Variants in MFRP observed in about 807,000 individuals in gnomAD.
MFRP encodes C1q and TNF related 5.
A neutral mutation model predicts 65.8 loss-of-function variants in MFRP; 74 were observed. The ratio of observed to expected loss-of-function variants is 1.12; its 90% CI spans 0.93 to 1.36. MFRP has a LOEUF of 1.36. Ranked by LOEUF, MFRP falls within the 40% of genes most tolerant of loss-of-function variation. MFRP has a pLI of 0.00. For synonymous variants in MFRP, 336 were observed against 288.3 expected (o/e 1.17, Z -1.68); for missense variants, 838 against 736.0 (o/e 1.14, Z -1.60).
Position 119,339,667 on chromosome 11 carries a change from CTCG to C in MFRP, c.*1289_*1291del. 6.2e-7 allele frequency: 1 copy of C among 1,611,768 alleles called. No individual in the cohort carries two copies. Among genetic ancestry groups the C allele is most frequent in the Non-Finnish European group, 8.5e-7 (1 of 1,179,952 alleles). On this transcript the variant is annotated 3_prime_UTR_variant, in exon 15 of 15. Coordinates refer to ENST00000619721, the MANE Select transcript of MFRP (RefSeq NM_031433.4). This position sits in a 1 kb window ranked among gnomAD's most constrained non-coding sequence, Gnocchi z 5.4. ...CGGTGACGGCGTCGTAATGTCCCTG[CTCG>C]TTCACCAGCACGCGGTCGAAGGGCA...
chr11:119,341,519 C>T lies in MFRP; in HGVS notation c.*29G>A. ...GCCCTGACCGGCAAAAGAGGACGGG[C>T]AGGAAGAGGGCAGGGGCCGGCTTCA... On this transcript the variant is annotated 3_prime_UTR_variant, in exon 13 of 15. Coordinates refer to ENST00000619721, the MANE Select transcript of MFRP (RefSeq NM_031433.4). The T allele has an allele frequency of 6.3e-7, 1 of 1,585,428 alleles. No homozygotes were observed.
In MFRP at chr11:119,341,682, G is replaced by T. The variant is rs1304173387; in HGVS notation, c.1606C>A (p.Pro536Thr). The change falls in exon 13 of 15, where the codon CCC (proline) becomes ACC (threonine). Residue 536 changes from proline (P) to threonine (T), a missense_variant. Coordinates refer to ENST00000619721, the MANE Select transcript of MFRP (RefSeq NM_031433.4). ...PRCTPLGSVL[P>T]PCRSVCQEAE... ...TCCTGGCAGACAGAGCGGCAAGGGG[G>T]CAGAACACTGCCTAGTGGGGTGCAA... 6.2e-7 allele frequency: 1 copy of T among 1,613,110 alleles called. No individual in the cohort carries two copies.
Position 119,341,996 on chromosome 11 carries a change from G to A in MFRP, c.1388-12C>T, listed in dbSNP as rs1161483928. ...CTCACAGGCCAGCTCTGCAGGGGTG[G>A]AGGGGAGGGCCACTGTGGGGACTGC... On this transcript the variant is annotated splice_polypyrimidine_tract_variant and intron_variant, in intron 11 of 14. Transcript: ENST00000619721. The A allele has an allele frequency of 6.2e-7, 1 of 1,613,192 alleles. No homozygotes were observed. The highest frequency in any genetic ancestry group is 1.3e-5 in the African/African-American group (1 of 75,068).
rs139436396 is a variant in MFRP at position 119,346,157 on chromosome 11, G to C, written c.160C>G (p.Arg54Gly). ...SYSVPAPWHG[R>G]RPRGLRPDCR... ...TCTGGCCGTAGCCCTCGAGGACGCC[G>C]ACCTGCGGGTTGGCAGGTGGGGTTT... The change falls in exon 3 of 15, where the codon CGG becomes GGG. Residue 54 changes from arginine to glycine, a missense_variant and splice_region_variant. Coordinates refer to ENST00000619721, the MANE Select transcript of MFRP (RefSeq NM_031433.4). 2,765 of 1,588,870 alleles carry C rather than the reference G, an allele frequency of 1.7e-3. 48 individuals carry two copies. In the African/African-American group the frequency reaches 0.033, roughly 19 times the overall value.
intron 5 of MFRP, 149 bp from the exon 6 acceptor site, chr11:119,345,153 T>C: frequency 9.5e-7 from 1 of 1,056,662 alleles, no homozygotes; most frequent in Non-Finnish European, 1.4e-6. Flanking sequence ...CAGGGAGCTC[T>C]GACCTTCCTA....
In MFRP at chr11:119,344,996, C is replaced by T. The variant is rs371935507; in HGVS notation, c.650G>A (p.Gly217Glu). 6.2e-7 allele frequency: 1 copy of T among 1,605,046 alleles called. No homozygotes were observed. Among genetic ancestry groups the T allele is most frequent in the African/African-American group, 1.3e-5 (1 of 74,866 alleles). The change falls in exon 6 of 15, where the codon GGA (glycine) becomes GAA (glutamate). Residue 217 changes from glycine (G) to glutamate (E), a missense_variant. Coordinates refer to ENST00000619721, the MANE Select transcript of MFRP (RefSeq NM_031433.4). The part of the protein sequence containing the change: ...EPEGPLLRVC[G>E]RVPPPTLNTN... The stretch of plus-strand genomic sequence containing the variant: ...GTTGAGCGTGGGGGGAGGCACCCTT[C>T]CACAAACCCTGCAAGAAGCCAGGTT...
intron 11 of MFRP, 60 bp from the exon 12 acceptor site, chr11:119,342,044 C>G (rs1345065431): frequency 6.2e-7 from 1 of 1,606,690 alleles, no homozygotes; most frequent in African/African-American, 1.3e-5. Flanking sequence ...TGGCCTGTGG[C>G]AAGTCACCGA....
chr11:119,343,776 G>A lies in MFRP; in HGVS notation c.1124+40C>T, dbSNP rs767902547. ...ATGGAAGCCGGGGGTGGCAGACAGTGAGGATGGAGTTATCCATGGCTCTTC... is the reference window on the plus strand; with the variant it reads ...ATGGAAGCCGGGGGTGGCAGACAGTAAGGATGGAGTTATCCATGGCTCTTC... On this transcript the variant is annotated intron_variant, in intron 9 of 14. Coordinates refer to ENST00000619721, the MANE Select transcript of MFRP (RefSeq NM_031433.4). 4 of 1,612,844 alleles carry A rather than the reference G, an allele frequency of 2.5e-6. No individual in the cohort carries two copies. In the African/African-American group the frequency reaches 4.0e-5, roughly 16 times the overall value.
chr11:119,342,177 A>G (rs1266933774), intron 11 of MFRP, among the ~76,000 whole-genome samples, 193 bp from the exon 12 acceptor site: 2 of 152,176 alleles, frequency 1.3e-5, no homozygotes. Context: ...CTGCTCCAGC[A>G]TCGCTTGCCA....
intron 5 of MFRP, 110 bp downstream of exon 5, chr11:119,345,310 A>T: frequency 8.8e-7 from 1 of 1,130,378 alleles, no homozygotes; most frequent in Non-Finnish European, 1.3e-6. Flanking sequence ...CCAGAGGTCT[A>T]GTCTCTCAAT....
In MFRP at chr11:119,346,168, T is replaced by C; in HGVS notation, c.158-9A>G. 6.3e-7 allele frequency: 1 copy of C among 1,581,986 alleles called. No homozygotes were observed. The highest frequency in any genetic ancestry group is 8.6e-7 in the Non-Finnish European group (1 of 1,163,302). The stretch of plus-strand genomic sequence containing the variant: ...CCCTCGAGGACGCCGACCTGCGGGT[T>C]GGCAGGTGGGGTTTTGAAAGCCCCT... On this transcript the variant is annotated splice_polypyrimidine_tract_variant and intron_variant, in intron 2 of 14. Transcript: ENST00000619721.
Position 119,341,491 on chromosome 11 carries a change from C to G in MFRP, c.*57G>C. The stretch of plus-strand genomic sequence containing the variant: ...GCTCCTTCCTTTGTTCCCCTGCGTG[C>G]CAGCCCTGACCGGCAAAAGAGGACG... On this transcript the variant is annotated 3_prime_UTR_variant, in exon 13 of 15. Transcript: ENST00000619721. 2 of 1,453,178 alleles carry G rather than the reference C, an allele frequency of 1.4e-6. No homozygotes were observed. The highest frequency in any genetic ancestry group is 2.8e-5 in the African/African-American group (2 of 71,818). The allele number at this position is 1,453,178 out of a possible 1,614,324, so 90.0% of individuals were successfully genotyped here.
chr11:119,339,904 G>A lies in MFRP; in HGVS notation c.*1111-56C>T. On this transcript the variant is annotated intron_variant, in intron 14 of 14. Transcript: ENST00000619721. This position sits in a 1 kb window ranked among gnomAD's most constrained non-coding sequence, Gnocchi z 5.4. ...GTAGCGGCGGCTCAGCCCGCAGCGG[G>A]GCGGCGACTCTAAGGTCACCGTACC... is the stretch of plus-strand genomic sequence containing the variant. 1 of 1,430,674 alleles carries A rather than the reference G, an allele frequency of 7.0e-7. No homozygotes were observed. 88.6% of individuals were successfully genotyped at this position (1,430,674 alleles called of 1,614,324 possible). A position where few individuals can be genotyped will look rare whatever the true frequency, so the allele number is the denominator to read the frequency against.
At position 119,346,470 on chromosome 11, in the gene MFRP, T is replaced by A. The variant is rs1950572073; in HGVS notation, c.44A>T (p.Glu15Val). Residue 15 changes from glutamate (E) to valine (V), a missense_variant, in exon 1 of 15, where the codon GAA becomes GTA. Glu to Val is a moderately radical substitution (Grantham distance 121). Coordinates refer to ENST00000619721, the MANE Select transcript of MFRP (RefSeq NM_031433.4). ...CTATGTGGTCCTTACCTTGCTCGATTCTGTTGCCTCCATGCAGAGGATGAC... is the reference window on the plus strand; with the variant it reads ...CTATGTGGTCCTTACCTTGCTCGATACTGTTGCCTCCATGCAGAGGATGAC... ...SDVILCMEAT[E>V]SSKTEFCNPA... The A allele has an allele frequency of 3.1e-6, 5 of 1,614,118 alleles. No homozygotes were observed. The highest frequency in any genetic ancestry group is 4.2e-6 in the Non-Finnish European group (5 of 1,180,010).
Position 119,344,362 on chromosome 11 carries a change from C to G in MFRP, c.928G>C (p.Gly310Arg). ...AGGTAGCTGGGAGTAGAGAAAGTGC[C>G]CTGGAGGCCAGTCAGATTCCCCCCA... The part of the protein sequence containing the change: ...GCGGNLTGLQ[G>R]TFSTPSYLQQ... The change falls in exon 8 of 15, where the codon GGC becomes CGC. Residue 310 changes from glycine to arginine, a missense_variant. Coordinates refer to ENST00000619721, the MANE Select transcript of MFRP (RefSeq NM_031433.4). 2 of 1,613,892 alleles carry G rather than the reference C, an allele frequency of 1.2e-6. No homozygotes were observed. Among genetic ancestry groups the G allele is most frequent in the African/African-American group, 1.3e-5 (1 of 74,948 alleles).
intron 5 of MFRP, 82 bp from the exon 6 acceptor site, chr11:119,345,086 T>G (rs1950546866): frequency 2.6e-6 from 4 of 1,529,700 alleles, no homozygotes; most frequent in Non-Finnish European, 3.5e-6. Flanking sequence ...CTTGCAGTCC[T>G]ATTTTCTCAA....
Position 119,342,593 on chromosome 11 carries a change from C to T in MFRP, c.1387+3G>A, listed in dbSNP as rs11217241. On this transcript the variant is annotated splice_donor_region_variant and intron_variant, in intron 11 of 14. Coordinates refer to ENST00000619721, the MANE Select transcript of MFRP (RefSeq NM_031433.4). ...TCAGGGTCCCCAGGGGCAGGCTTCT[C>T]ACCTGGGGGTGGGAACAAGGGGCCG... 0.1 allele frequency: 167,504 copies of T among 1,612,606 alleles called. 16,943 individuals carry two copies. The highest frequency in any genetic ancestry group is 0.41 in the South Asian group (37,204 of 90,996).
rs749547721 is a variant in MFRP, at chr11:119,345,809, G to A, written c.391C>T (p.Gln131Ter). 1.9e-6 allele frequency: 3 copies of A among 1,613,854 alleles called. No homozygotes were observed. In the South Asian group the frequency reaches 3.3e-5, roughly 18 times the overall value. The change falls in exon 4 of 15, where the codon CAG becomes TAG. Residue 131 changes from glutamine (Q) to a stop codon, truncating the protein, a stop_gained. Coordinates refer to ENST00000619721, the MANE Select transcript of MFRP (RefSeq NM_031433.4). LOFTEE classifies it high-confidence loss of function. ...GAGGGGCTCACGCCTGACTCCTGCTGCCCTTTAGGGGTCCCAGCTGCCTGA... is the reference window on the plus strand; with the variant it reads ...GAGGGGCTCACGCCTGACTCCTGCTACCCTTTAGGGGTCCCAGCTGCCTGA... ...TSQAAGTPKG[Q>*]QESGVSPSPQ...
rs1447464669 is a variant in MFRP at position 119,339,378 on chromosome 11, C to T, written c.*1581G>A. 3 of 1,612,812 alleles carry T rather than the reference C, an allele frequency of 1.9e-6. No homozygotes were observed. In the Admixed American group the frequency reaches 5.0e-5, roughly 27 times the overall value. ...TGCCAGTCGGAGTACACCAGAAATC[C>T]GGAGAAGGTGCTGTCTGTCTTGATG... On this transcript the variant is annotated 3_prime_UTR_variant, in exon 15 of 15. Transcript: ENST00000619721. The surrounding 1 kb of genome is among the most constrained non-coding windows in gnomAD (Gnocchi z 5.4).
Sources: gnomAD v4.1 joint callset for allele counts (sites outside exome capture counted in the v4.1 genomes callset) on GRCh38, gnomAD v4.1.1 for gene constraint, Gnocchi (gnomAD v3.1) non-coding constraint, MANE v1.5 for transcripts, NCBI Gene and HGNC (gene_info 2026-07-23, HGNC 2026-07-21) for gene names.